MEIS2: variants seen among roughly 807,000 people sequenced by gnomAD.
MEIS2 encodes the protein Meis homeobox 2.
Under a neutral mutation model 58.6 loss-of-function variants are expected in MEIS2, and 9 were observed. The ratio of observed to expected loss-of-function variants is 0.15; its 90% CI spans 0.09 to 0.27. The LOEUF (loss-of-function observed/expected upper bound fraction) is 0.27, where lower values mean the gene tolerates loss of function less well. Ranked by LOEUF, MEIS2 falls within the 10% of genes least tolerant of loss-of-function variation. The pLI is 1.00. For synonymous variants in MEIS2, 221 were observed against 228.4 expected (o/e 0.97, Z 0.29); for missense variants, 427 against 635.0 (o/e 0.67, Z 3.52).
intron 7 of MEIS2, among the ~76,000 whole-genome samples, chr15:37,046,221 C>T (rs779669595): frequency 1.1e-4 from 16 of 152,176 alleles, no homozygotes; most frequent in Non-Finnish European, 1.9e-4. Flanking sequence ...TGCAGCTCCA[C>T]GCTGGCCTGT....
At chr15:37,065,088 A>G (rs1294061270) in intron 7 of MEIS2, among the ~76,000 whole-genome samples, 2 of 152,180 alleles carry the variant, frequency 1.3e-5, no homozygotes, top group Non-Finnish European at 2.9e-5. Context: ...GATCAGGTCA[A>G]CTAGAGATTA....
At chr15:37,049,124 T>C (rs1385185718) in intron 7 of MEIS2, among the ~76,000 whole-genome samples, 1 of 152,196 alleles carries the variant, frequency 6.6e-6, no homozygotes, top group Non-Finnish European at 1.5e-5. Flanking sequence ...TATGTTTTTG[T>C]AATAGAATGC....
chr15:37,044,483 A>G (rs1386164737), intron 7 of MEIS2, among the ~76,000 whole-genome samples: 2 of 152,244 alleles, frequency 1.3e-5, no homozygotes, highest in East Asian at 3.8e-4. Context: ...CAAATTAAAT[A>G]TGATTTTGAA....
At chr15:36,894,788 T>G in intron 11 of MEIS2, 1 of 1,613,732 alleles carries the variant, frequency 6.2e-7, no homozygotes, top group Non-Finnish European at 8.5e-7. Flanking sequence ...CATGCCCATA[T>G]TCATGCCCAT....
In MEIS2 at chr15:37,031,877, T is replaced by C. The variant is rs559819368; in HGVS notation, c.900+4937A>G. On this transcript the variant is annotated intron_variant, in intron 8 of 11. Transcript: ENST00000561208. Reference sequence around the variant, plus strand: ...TGTGTGTGTCTGGGTTTCATTCCGTTGCTTAGGCTGGAGTACAGTGGTTCC... The same window carrying C: ...TGTGTGTGTCTGGGTTTCATTCCGTCGCTTAGGCTGGAGTACAGTGGTTCC... 5.3e-5 allele frequency among the ~76,000 whole-genome samples: 8 copies of C among 150,092 alleles called. No homozygotes were observed. In the South Asian group the frequency reaches 1.7e-3, roughly 32 times the overall value.
chr15:37,005,854 C>A (rs919968404), intron 8 of MEIS2, among the ~76,000 whole-genome samples: 4 of 152,174 alleles, frequency 2.6e-5, no homozygotes, highest in Admixed American at 6.5e-5. Context: ...CCACTGGGCC[C>A]ATGATGTAAC....
At chr15:36,963,708 A>G (rs892848361) in intron 8 of MEIS2, among the ~76,000 whole-genome samples, 11 of 152,216 alleles carry the variant, frequency 7.2e-5, no homozygotes, top group Non-Finnish European at 1.5e-5. Flanking sequence ...GTACAATTCT[A>G]CGAACATTGA....
intron 8 of MEIS2, among the ~76,000 whole-genome samples, chr15:36,962,896 C>T (rs957479338): frequency 1.3e-5 from 2 of 152,148 alleles, no homozygotes; most frequent in African/African-American, 2.4e-5. Flanking sequence ...ATCTAAGATA[C>T]TATTTGTATG....
intron 8 of MEIS2, among the ~76,000 whole-genome samples, chr15:36,996,877 A>G (rs984210568): frequency 6.6e-6 from 1 of 152,212 alleles, no homozygotes; most frequent in African/African-American, 2.4e-5. Context: ...GTAACTCTCC[A>G]TATTACATAC....
intron 8 of MEIS2, among the ~76,000 whole-genome samples, chr15:37,018,964 G>A (rs2061434348): frequency 6.6e-6 from 1 of 152,132 alleles, no homozygotes; most frequent in Non-Finnish European, 1.5e-5. Context: ...GTCGGTCATT[G>A]ATGGTCCCAC....
At chr15:36,984,214 C>T (rs1168368268) in intron 8 of MEIS2, among the ~76,000 whole-genome samples, 2 of 151,938 alleles carry the variant, frequency 1.3e-5, no homozygotes, top group Non-Finnish European at 2.9e-5. Context: ...AGTTTCTTGT[C>T]TTGCCCTAAT....
intron 9 of MEIS2, among the ~76,000 whole-genome samples, chr15:36,921,645 T>C (rs2057513125): frequency 6.6e-6 from 1 of 152,138 alleles, no homozygotes; most frequent in Non-Finnish European, 1.5e-5. Flanking sequence ...AGAGCTTGTG[T>C]TTCAGCACCA....
Position 37,098,022 on chromosome 15 carries a change from T to G in MEIS2, c.190A>C (p.Ser64Arg). 6.2e-7 allele frequency: 1 copy of G among 1,612,804 alleles called. No homozygotes were observed. Among genetic ancestry groups the G allele is most frequent in the Non-Finnish European group, 8.5e-7 (1 of 1,179,204 alleles). The change falls in exon 2 of 12, where the codon AGT (serine) becomes CGT (arginine). Residue 64 changes from serine to arginine, a missense_variant. Physicochemically the swap from Ser to Arg is moderately radical, Grantham distance 110 (BLOSUM62 -1). Coordinates refer to ENST00000561208, the MANE Select transcript of MEIS2 (RefSeq NM_170675.5). ...GCGTCGTTGACAGCGGATCCCATACTGGCCGGCATGACATTGGGGTGCGGG... is the reference window on the plus strand; with the variant it reads ...GCGTCGTTGACAGCGGATCCCATACGGGCCGGCATGACATTGGGGTGCGGG... ...HAPHPNVMPASMGSAVNDALK... is the reference protein window; with the variant it reads ...HAPHPNVMPARMGSAVNDALK...
rs1048501496 is a variant in MEIS2 at position 37,099,848 on chromosome 15, A to T, written c.-382T>A. ...GAAAAAGAAGAAAAAGAAGAAAAAA[A>T]TTGTCAAGCCCCCGAACTGAAGGTT... On this transcript the variant is annotated 5_prime_UTR_variant, in exon 1 of 12. Coordinates refer to ENST00000561208, the MANE Select transcript of MEIS2 (RefSeq NM_170675.5). 9.7e-6 allele frequency: 2 copies of T among 206,190 alleles called. No homozygotes were observed. The highest frequency in any genetic ancestry group is 4.6e-5 in the African/African-American group (2 of 43,054). The allele number at this position is 206,190 out of a possible 1,614,324, so 12.8% of individuals were successfully genotyped here. A position where few individuals can be genotyped will look rare whatever the true frequency, so the allele number is the denominator to read the frequency against.
chr15:37,028,816 A>T (rs1336203014), intron 8 of MEIS2, among the ~76,000 whole-genome samples: 5 of 152,226 alleles, frequency 3.3e-5, no homozygotes, highest in Non-Finnish European at 7.4e-5. Context: ...GCACCCTCCC[A>T]TCCCAATAAG....
intron 8 of MEIS2, among the ~76,000 whole-genome samples, chr15:36,960,964 G>T (rs573117134): frequency 2.0e-5 from 3 of 152,198 alleles, no homozygotes; most frequent in African/African-American, 4.8e-5. Flanking sequence ...AAAAAGGTCA[G>T]TTAGCAGTAT....
chr15:36,896,479 T>C (rs1252534509), intron 10 of MEIS2, 149 bp downstream of exon 10: 1 of 536,516 alleles, frequency 1.9e-6, no homozygotes, highest in East Asian at 2.9e-5. Flanking sequence ...TGAAGTTGCT[T>C]CCTTGAGTGG....
chr15:36,971,238 A>G (rs1305912078), intron 8 of MEIS2, among the ~76,000 whole-genome samples: 2 of 152,072 alleles, frequency 1.3e-5, no homozygotes, highest in Non-Finnish European at 2.9e-5. Context: ...GCGCCAACTC[A>G]TCTCATTCTA....
chr15:36,936,747 T>C (rs982191207), intron 9 of MEIS2, among the ~76,000 whole-genome samples: 5 of 152,246 alleles, frequency 3.3e-5, no homozygotes, highest in African/African-American at 1.2e-4. Context: ...TTATTATGAA[T>C]GCCCAGTTTT....
Sources: allele counts gnomAD v4.1 joint callset (sites outside exome capture counted in the v4.1 genomes callset), GRCh38; gene constraint gnomAD v4.1.1; transcripts MANE v1.5; gene names NCBI Gene and HGNC (gene_info 2026-07-23, HGNC 2026-07-21).